CCT6B: variants seen among roughly 807,000 people sequenced by gnomAD.
The protein encoded by CCT6B is probable T-complex protein 1 subunit zeta-2.
A neutral mutation model predicts 61.5 loss-of-function variants in CCT6B; 49 were observed. The ratio of observed to expected loss-of-function variants is 0.80; its 90% CI spans 0.63 to 1.01. CCT6B has a LOEUF of 1.01. Ranked by LOEUF, CCT6B falls within the 50% of genes least tolerant of loss-of-function variation. The probability of loss-of-function intolerance (pLI) is 0.00; values close to 1 mark genes in which losing one functional copy is unlikely to be tolerated. For missense variants in CCT6B, 666 were observed against 634.7 expected (o/e 1.05, Z -0.53); for synonymous variants, 228 against 214.5 (o/e 1.06, Z -0.55).
intron 5 of CCT6B, 163 bp from the exon 6 acceptor site, chr17:34,943,069 T>C (rs2090184473): frequency 3.6e-6 from 2 of 548,940 alleles, no homozygotes; most frequent in Non-Finnish European, 6.5e-6. Flanking sequence ...TTTTCAGAGA[T>C]GGGGGTCTTG....
At chr17:34,954,235 C>T (rs1054668895) in intron 4 of CCT6B, among the ~76,000 whole-genome samples, 191 bp downstream of exon 4, 1 of 152,134 alleles carries the variant, frequency 6.6e-6, no homozygotes, top group Non-Finnish European at 1.5e-5. Flanking sequence ...TAGTATGATA[C>T]TTCTGAAAAT....
chr17:34,953,387 A>G (rs1158336040), intron 4 of CCT6B, among the ~76,000 whole-genome samples: 1 of 150,162 alleles, frequency 6.7e-6, no homozygotes, highest in African/African-American at 2.4e-5. Context: ...CTAGAGTGCA[A>G]TGGCATGATG....
rs946053271 is a variant in CCT6B at position 34,939,654 on chromosome 17, C to A, written c.1028G>T (p.Cys343Phe). 6.2e-6 allele frequency: 10 copies of A among 1,613,074 alleles called. No individual in the cohort carries two copies. The African/African-American group carries it at 6.7e-5, about 11-fold the overall frequency. Residue 343 changes from cysteine to phenylalanine, a missense_variant, in exon 9 of 14, where the codon TGC becomes TTC. Coordinates refer to ENST00000314144, the MANE Select transcript of CCT6B (RefSeq NM_006584.4). ...ATACACAAGACCAGCATGTCCCAAG[C>A]AATCTACAGTGAGATCTTCAAAAGA... ...VNSFEDLTVD[C>F]LGHAGLVYEY...
Position 34,940,555 on chromosome 17 carries a change from T to C in CCT6B, c.952A>G (p.Arg318Gly). The change falls in exon 8 of 14, where the codon AGA becomes GGA. Residue 318 changes from arginine to glycine, a missense_variant. Arg to Gly is a moderately radical substitution (Grantham distance 125). Transcript: ENST00000314144. ...CAAGCTTACCTTTCCATATTTCTTC[T>C]TTTTGCTCTGCGAAGAGCTACTATT... ...HGIVALRRAK[R>G]RNMERLSLAC... 6 of 1,575,152 alleles carry C rather than the reference T, an allele frequency of 3.8e-6. No homozygotes were observed. Among genetic ancestry groups the C allele is most frequent in the Non-Finnish European group, 5.2e-6 (6 of 1,155,270 alleles).
At chr17:34,939,782 A>G (rs2090139850) in intron 8 of CCT6B, 69 bp from the exon 9 acceptor site, 7 of 961,092 alleles carry the variant, frequency 7.3e-6, no homozygotes, top group South Asian at 3.9e-5. Flanking sequence ...CAGAGAGAAG[A>G]TATCTAATGC....
At chr17:34,958,061 G>A (rs2090367681) in intron 3 of CCT6B, among the ~76,000 whole-genome samples, 2 of 152,002 alleles carry the variant, frequency 1.3e-5, no homozygotes, top group South Asian at 4.2e-4. Context: ...TTTTAAAAGA[G>A]GTATATAATT....
At chr17:34,942,724 GA>G in intron 6 of CCT6B, 71 bp downstream of exon 6, 2 of 1,479,688 alleles carry the variant, frequency 1.4e-6, no homozygotes, top group Non-Finnish European at 1.8e-6. Flanking sequence ...CAAACATCTG[GA>G]AGGAAAAAGA....
intron 1 of CCT6B, 26 bp downstream of exon 1, chr17:34,961,231 A>T: frequency 1.3e-6 from 2 of 1,583,284 alleles, no homozygotes; most frequent in Non-Finnish European, 1.7e-6. Context: ...CTAGCCGCGT[A>T]ATGGCCGCTC....
chr17:34,952,241 A>C (rs2090300470), intron 4 of CCT6B, among the ~76,000 whole-genome samples, 188 bp from the exon 5 acceptor site: 2 of 152,256 alleles, frequency 1.3e-5, no homozygotes. Flanking sequence ...TTTAGAGTCT[A>C]AAGAAACTTC....
intron 7 of CCT6B, among the ~76,000 whole-genome samples, chr17:34,942,150 C>A (rs1191215772): frequency 6.7e-6 from 1 of 149,582 alleles, no homozygotes; most frequent in Non-Finnish European, 1.5e-5. Flanking sequence ...TAAGTTTTAC[C>A]ACTTCATCAA....
intron 8 of CCT6B, 119 bp downstream of exon 8, chr17:34,940,420 T>C: frequency 1.7e-6 from 1 of 585,354 alleles, no homozygotes; most frequent in South Asian, 2.5e-5. Context: ...AAAATTTGGA[T>C]TTTTTTATGC....
At chr17:34,942,373 C>A (rs2090173540) in intron 7 of CCT6B, 111 bp downstream of exon 7, 1 of 755,278 alleles carries the variant, frequency 1.3e-6, no homozygotes, top group South Asian at 1.8e-5. Flanking sequence ...AGTTTTTGAC[C>A]TCACAGACTC....
intron 4 of CCT6B, 32 bp downstream of exon 4, chr17:34,954,394 T>C (rs1159859028): frequency 6.5e-6 from 10 of 1,546,372 alleles, no homozygotes; most frequent in Non-Finnish European, 8.8e-6. Flanking sequence ...TTAGGCTATA[T>C]TTGTTCTGAA....
At chr17:34,955,541 T>C (rs1432780842) in intron 3 of CCT6B, among the ~76,000 whole-genome samples, 2 of 152,174 alleles carry the variant, frequency 1.3e-5, no homozygotes, top group African/African-American at 4.8e-5. Context: ...GGGTAAAAAG[T>C]ATACAGGAAT....
chr17:34,939,090 T>C (rs1296585319), intron 10 of CCT6B, 93 bp downstream of exon 10: 13 of 1,045,706 alleles, frequency 1.2e-5, no homozygotes, highest in African/African-American at 1.7e-5. Flanking sequence ...TCTAAAAATA[T>C]ACATATATAC....
intron 4 of CCT6B, among the ~76,000 whole-genome samples, chr17:34,953,412 C>T (rs1420164881): frequency 1.3e-5 from 2 of 150,878 alleles, no homozygotes; most frequent in African/African-American, 4.9e-5. Context: ...CTCACTGCAA[C>T]CTCCCCCTCC....
At chr17:34,942,067 G>A (rs1209355864) in intron 7 of CCT6B, among the ~76,000 whole-genome samples, 1 of 151,142 alleles carries the variant, frequency 6.6e-6, no homozygotes, top group Non-Finnish European at 1.5e-5. Flanking sequence ...ACAGTGCTTT[G>A]TGCATACTTC....
chr17:34,960,687 T>C (rs1333173078), intron 1 of CCT6B, among the ~76,000 whole-genome samples: 1 of 152,264 alleles, frequency 6.6e-6, no homozygotes, highest in Non-Finnish European at 1.5e-5. Context: ...TTCATTACTA[T>C]GAGGATGTGT....
intron 5 of CCT6B, among the ~76,000 whole-genome samples, chr17:34,949,184 G>A (rs915225717): frequency 8.6e-5 from 13 of 151,868 alleles, no homozygotes; most frequent in African/African-American, 2.4e-4. Context: ...GGCCGAGCAC[G>A]GTGGCTCATG....
Sources: gnomAD v4.1 joint callset for allele counts (sites outside exome capture counted in the v4.1 genomes callset) on GRCh38, gnomAD v4.1.1 for gene constraint, MANE v1.5 for transcripts, NCBI Gene and HGNC (gene_info 2026-07-23, HGNC 2026-07-21) for gene names.